The following CEP112 variants were observed in gnomAD, a reference collection of about 807,000 sequenced individuals.
CEP112 encodes centrosomal protein of 112 kDa.
Under a neutral mutation model 153.0 loss-of-function variants are expected in CEP112, and 127 were observed. The ratio of observed to expected loss-of-function variants is 0.83; its 90% confidence interval spans 0.72 to 0.96. The LOEUF (loss-of-function observed/expected upper bound fraction) is 0.96, where lower values mean the gene tolerates loss of function less well. Among genes scored for constraint, CEP112 ranks in the 40% least tolerant of loss-of-function variants. The pLI is 0.00. For missense variants in CEP112, 1,089 were observed against 1,101.2 expected (o/e 0.99, Z 0.16); for synonymous variants, 358 against 374.4 (o/e 0.96, Z 0.51).
intron 23 of CEP112, among the ~76,000 whole-genome samples, chr17:65,721,171 T>C (rs965495158): frequency 4.6e-5 from 7 of 152,038 alleles, no homozygotes; most frequent in Non-Finnish European, 8.8e-5. Flanking sequence ...CTACCATGCC[T>C]GGCTAATTTT....
At chr17:65,887,447 TG>T (rs2059319357) in intron 20 of CEP112, among the ~76,000 whole-genome samples, 1 of 152,188 alleles carries the variant, frequency 6.6e-6, no homozygotes, top group African/African-American at 2.4e-5. Context: ...TAAAAGTGGA[TG>T]TTGACATTTC....
At chr17:65,955,500 CA>C (rs1272319257) in intron 18 of CEP112, among the ~76,000 whole-genome samples, 1 of 152,076 alleles carries the variant, frequency 6.6e-6, no homozygotes, top group African/African-American at 2.4e-5. Flanking sequence ...CCTCACATCT[CA>C]ATACTAACAT....
intron 21 of CEP112, among the ~76,000 whole-genome samples, chr17:65,821,517 T>C (rs1241889193): frequency 3.6e-5 from 1 of 27,892 alleles, no homozygotes; most frequent in Non-Finnish European, 6.2e-5. Flanking sequence ...TATATAATTA[T>C]ATATATATAT....
chr17:66,015,729 T>C (rs1314297843), intron 16 of CEP112, among the ~76,000 whole-genome samples: 1 of 152,228 alleles, frequency 6.6e-6, no homozygotes, highest in Non-Finnish European at 1.5e-5. Flanking sequence ...AATTCAAACA[T>C]TTTTTAATCT....
rs372070681 is a variant in CEP112 at position 65,902,291 on chromosome 17, A to T, written c.2024T>A (p.Leu675Gln). The change falls in exon 20 of 27, where the codon CTA becomes CAA. Residue 675 changes from leucine (L) to glutamine (Q), a missense_variant. Coordinates refer to ENST00000535342, the MANE Select transcript of CEP112 (RefSeq NM_001199165.4). ...CTTCTCTGCGTTATGCTGCTGTAAT[A>T]GGTGCGTCTTCTCCTGTTCATGCTC... Reference protein sequence around the residue: ...KLEHEQEKTHLLQQHNAEKDS... With the variant: ...KLEHEQEKTHQLQQHNAEKDS... 6.2e-7 allele frequency: 1 copy of T among 1,613,758 alleles called. No individual in the cohort carries two copies. The highest frequency in any genetic ancestry group is 1.3e-5 in the African/African-American group (1 of 74,896).
intron 17 of CEP112, among the ~76,000 whole-genome samples, chr17:65,995,067 T>C (rs565198395): frequency 7.9e-4 from 119 of 150,390 alleles, no homozygotes; most frequent in Non-Finnish European, 1.6e-3. Context: ...TCCCTTGCCT[T>C]TGGGTTTCAA....
chr17:65,983,115 G>A (rs2063287959), intron 17 of CEP112, among the ~76,000 whole-genome samples: 1 of 152,196 alleles, frequency 6.6e-6, no homozygotes, highest in Non-Finnish European at 1.5e-5. Context: ...TATTTGTGAT[G>A]ATGAAAGTGA....
At chr17:65,860,057 C>T (rs1006573290) in intron 20 of CEP112, among the ~76,000 whole-genome samples, 3 of 149,960 alleles carry the variant, frequency 2.0e-5, no homozygotes, top group Non-Finnish European at 3.0e-5. Context: ...ATCATAGATG[C>T]CATGACGGTA....
chr17:65,896,316 G>T (rs2059657479), intron 20 of CEP112, among the ~76,000 whole-genome samples: 1 of 151,932 alleles, frequency 6.6e-6, no homozygotes, highest in Admixed American at 6.6e-5. Context: ...TCTCCATGAT[G>T]AGGGCAAAGT....
intron 20 of CEP112, among the ~76,000 whole-genome samples, chr17:65,900,260 T>G (rs754108999): frequency 2.5e-4 from 38 of 152,214 alleles, no homozygotes; most frequent in Non-Finnish European, 4.7e-4. Flanking sequence ...TTTCCATTGC[T>G]TACTGGCATT....
At chr17:65,938,927 T>C (rs751237914) in intron 18 of CEP112, among the ~76,000 whole-genome samples, 3 of 152,124 alleles carry the variant, frequency 2.0e-5, no homozygotes, top group Non-Finnish European at 4.4e-5. Context: ...TTCTCCTGCC[T>C]CAGCCTCCTG....
chr17:65,882,375 C>T (rs2059114797), intron 20 of CEP112, among the ~76,000 whole-genome samples: 1 of 152,196 alleles, frequency 6.6e-6, no homozygotes, highest in Non-Finnish European at 1.5e-5. Context: ...ACTAAGAAGG[C>T]CCGTAGTACA....
chr17:66,163,248 C>T (rs2071789970), intron 4 of CEP112, among the ~76,000 whole-genome samples: 1 of 152,078 alleles, frequency 6.6e-6, no homozygotes, highest in African/African-American at 2.4e-5. Flanking sequence ...TTTTTGCATG[C>T]ATGCTATGTT....
At chr17:65,970,428 ATG>A (rs2062666366) in intron 17 of CEP112, among the ~76,000 whole-genome samples, 2 of 105,536 alleles carry the variant, frequency 1.9e-5, no homozygotes, top group African/African-American at 6.8e-5. Context: ...TATTACATGC[ATG>A]CACACATCAT....
intron 20 of CEP112, among the ~76,000 whole-genome samples, chr17:65,863,564 G>A (rs1342929916): frequency 4.0e-5 from 6 of 150,858 alleles, no homozygotes; most frequent in African/African-American, 1.2e-4. Context: ...TCAGGAGATC[G>A]AGACCACGGT....
At chr17:66,015,314 G>A (rs1165046279) in intron 16 of CEP112, among the ~76,000 whole-genome samples, 1 of 151,976 alleles carries the variant, frequency 6.6e-6, no homozygotes, top group African/African-American at 2.4e-5. Flanking sequence ...TTTATATTGT[G>A]TACACAATAA....
chr17:66,086,415 T>C (rs2067936864), intron 8 of CEP112, among the ~76,000 whole-genome samples: 1 of 58,030 alleles, frequency 1.7e-5, no homozygotes, highest in Non-Finnish European at 3.5e-5. Context: ...TTTTTTTTTT[T>C]TTTTTTGAGA....
intron 23 of CEP112, 132 bp from the exon 24 acceptor site, chr17:65,689,350 C>A: frequency 3.3e-6 from 2 of 609,408 alleles, no homozygotes; most frequent in East Asian, 2.9e-5. Flanking sequence ...TTCAGGCAAA[C>A]AATACCAGAC....
chr17:65,667,594 C>T (rs61478946), intron 24 of CEP112, among the ~76,000 whole-genome samples: 13,118 of 151,650 alleles, frequency 0.087, 1,243 homozygotes, highest in East Asian at 0.43. Flanking sequence ...CAAAACCTAT[C>T]GAGAGGAATC....
Sources: gnomAD v4.1 joint callset for allele counts (sites outside exome capture counted in the v4.1 genomes callset) on GRCh38, gnomAD v4.1.1 for gene constraint, MANE v1.5 for transcripts, NCBI Gene and HGNC (gene_info 2026-07-23, HGNC 2026-07-21) for gene names.